The following NTM variants were observed in gnomAD, a reference collection of about 807,000 sequenced individuals.
NTM encodes the protein neurotrimin, also known as IgLON family member 2.
Under a neutral mutation model 42.1 loss-of-function variants are expected in NTM, and 13 were observed. The observed-to-expected ratio is 0.31, with a 90% CI of 0.20 to 0.49. The LOEUF is 0.49. Ranked by LOEUF, NTM falls within the 20% of genes least tolerant of loss-of-function variation. NTM has a pLI of 0.99. For synonymous variants in NTM, 187 were observed against 179.2 expected, an observed-to-expected ratio of 1.04 and a Z score of -0.35; for missense variants, 373 against 452.8, an observed-to-expected ratio of 0.82 and a Z score of 1.60.
At chr11:131,656,310 C>A (rs2067181628) in intron 1 of NTM, among the ~76,000 whole-genome samples, 1 of 152,254 alleles carries the variant, frequency 6.6e-6, no homozygotes, top group Non-Finnish European at 1.5e-5. Context: ...CCCACACAGT[C>A]CTTTAAAAAG....
chr11:131,981,001 G>A (rs1211434775), intron 2 of NTM: 1 of 152,150 alleles, frequency 6.6e-6, no homozygotes, highest in African/African-American at 2.4e-5. Flanking sequence ...GGACCTGTGG[G>A]GTGTGTGTAT....
intron 1 of NTM, among the ~76,000 whole-genome samples, chr11:131,424,591 T>G (rs1348966703): frequency 8.3e-5 from 10 of 120,332 alleles, no homozygotes; most frequent in Admixed American, 1.9e-4. Context: ...TTTTTATTTC[T>G]TTTCTTTTCT....
chr11:131,984,064 T>G (rs770912502), intron 2 of NTM, among the ~76,000 whole-genome samples: 4 of 152,112 alleles, frequency 2.6e-5, no homozygotes, highest in Admixed American at 2.0e-4. Context: ...TAGACACAGA[T>G]TTTGGTGTAC....
In NTM at chr11:131,902,934, A is replaced by C. The variant is rs559393844; in HGVS notation, c.83-8630A>C. Among the ~76,000 whole-genome samples, 9 of 152,340 alleles carry C rather than the reference A, an allele frequency of 5.9e-5. No individual in the cohort carries two copies. The East Asian group carries it at 1.2e-3, about 20-fold the overall frequency. ...TGTATATGTATCCGTGTGTGTACAG[A>C]ATATGCTATGAACATATGCCTAAAT... On this transcript the variant is annotated intron_variant, in intron 1 of 8. Transcript: ENST00000683400.
At chr11:131,868,788 G>A (rs1466471957) in intron 1 of NTM, among the ~76,000 whole-genome samples, 1 of 152,156 alleles carries the variant, frequency 6.6e-6, no homozygotes, top group Non-Finnish European at 1.5e-5. Context: ...ACATCAGCAA[G>A]AAAGATCTAT....
chr11:131,778,957 A>G (rs999540071), intron 1 of NTM, among the ~76,000 whole-genome samples: 1 of 152,260 alleles, frequency 6.6e-6, no homozygotes, highest in Non-Finnish European at 1.5e-5. Context: ...ATTACATCAC[A>G]TTATATAAGT....
intron 1 of NTM, among the ~76,000 whole-genome samples, chr11:131,889,738 G>A (rs1161542798): frequency 2.0e-5 from 3 of 152,122 alleles, no homozygotes; most frequent in African/African-American, 7.2e-5. Flanking sequence ...GCAAAGAGAG[G>A]CACATCTGAG....
intron 1 of NTM, among the ~76,000 whole-genome samples, chr11:131,400,636 C>G (rs1945031723): frequency 6.6e-6 from 1 of 152,100 alleles, no homozygotes; most frequent in South Asian, 2.1e-4. Context: ...CACATTGTTA[C>G]CTCCTTCTTT....
In NTM at chr11:131,452,657, C is replaced by A. The variant is rs140904856; in HGVS notation, c.82+81769C>A. Among the ~76,000 whole-genome samples, 18 of 152,316 alleles carry A rather than the reference C, an allele frequency of 1.2e-4. No homozygotes were observed. The East Asian group carries it at 3.5e-3, about 29-fold the overall frequency. The stretch of plus-strand genomic sequence containing the variant: ...GTGTATTTTAGTCCCTATGAAGACA[C>A]TGAGGCTGAAGGGCTTCTTGGCTTT... On this transcript the variant is annotated intron_variant, in intron 1 of 8. Transcript: ENST00000683400.
chr11:132,202,557 A>G (rs2081321094), intron 3 of NTM, among the ~76,000 whole-genome samples: 1 of 152,164 alleles, frequency 6.6e-6, no homozygotes, highest in Non-Finnish European at 1.5e-5. Context: ...CCATGTTAAA[A>G]AATTGATGAA....
At chr11:132,314,912 G>A in intron 7 of NTM, 1 of 1,345,118 alleles carries the variant, frequency 7.4e-7, no homozygotes, top group Non-Finnish European at 9.5e-7. Flanking sequence ...GAAAGAACAA[G>A]AGATACAGTT....
chr11:132,226,877 CCT>C (rs1209601196), intron 4 of NTM, among the ~76,000 whole-genome samples: 1 of 152,162 alleles, frequency 6.6e-6, no homozygotes, highest in East Asian at 1.9e-4. Flanking sequence ...AGATTTGTGG[CCT>C]GGGCTGCTGG....
intron 1 of NTM, among the ~76,000 whole-genome samples, chr11:131,613,173 C>A (rs2137556980): frequency 6.6e-6 from 1 of 152,236 alleles, no homozygotes; most frequent in South Asian, 2.1e-4. Context: ...GGGCAGGGAG[C>A]TTTTCCCTGG....
chr11:131,374,992 TAACA>T (rs754922042), intron 1 of NTM, among the ~76,000 whole-genome samples: 64 of 152,114 alleles, frequency 4.2e-4, no homozygotes, highest in African/African-American at 1.0e-3. Flanking sequence ...TGCTAAAGAT[TAACA>T]AACAAACAAA....
chr11:131,693,850 G>A (rs1323511473), intron 1 of NTM, among the ~76,000 whole-genome samples: 1 of 152,204 alleles, frequency 6.6e-6, no homozygotes, highest in African/African-American at 2.4e-5. Flanking sequence ...GGAAGCGAGA[G>A]AGGAGAAGCT....
intron 4 of NTM, among the ~76,000 whole-genome samples, chr11:132,263,877 G>A (rs775081923): frequency 6.6e-6 from 1 of 152,130 alleles, no homozygotes; most frequent in Non-Finnish European, 1.5e-5. Context: ...CGTCAGAACG[G>A]CTTTTACCAT....
At chr11:131,954,825 A>G (rs1267849790) in intron 2 of NTM, among the ~76,000 whole-genome samples, 1 of 152,194 alleles carries the variant, frequency 6.6e-6, no homozygotes, top group Admixed American at 6.5e-5. Flanking sequence ...AAATGAATTC[A>G]ATCTTTTGTT....
intron 4 of NTM, among the ~76,000 whole-genome samples, chr11:132,287,773 A>C (rs1015330711): frequency 6.6e-6 from 1 of 152,224 alleles, no homozygotes. Flanking sequence ...ATGCATGTGA[A>C]TGTGTCTCTA....
intron 4 of NTM, among the ~76,000 whole-genome samples, chr11:132,259,597 T>C (rs2092717844): frequency 6.6e-6 from 1 of 151,726 alleles, no homozygotes; most frequent in Non-Finnish European, 1.5e-5. Flanking sequence ...GGAGAATCGT[T>C]TGAACCCGGG....
Sources: allele counts gnomAD v4.1 joint callset (sites outside exome capture counted in the v4.1 genomes callset), GRCh38; gene constraint gnomAD v4.1.1; transcripts MANE v1.5; gene names NCBI Gene and HGNC (gene_info 2026-07-23, HGNC 2026-07-21).